The following DENND5B variants were observed in gnomAD, a reference collection of about 807,000 sequenced individuals.
DENND5B encodes the protein DENN domain-containing protein 5B.
In DENND5B, 34 loss-of-function variants were observed where a neutral mutation model predicts 140.6. The ratio of observed to expected loss-of-function variants is 0.24; its 90% CI spans 0.18 to 0.32. The LOEUF (loss-of-function observed/expected upper bound fraction) is 0.32. DENND5B is among the 10% of genes least tolerant of loss of function. The pLI is 1.00. For missense variants in DENND5B, 1,142 were observed against 1,560.2 expected (o/e 0.73, Z 4.52); for synonymous variants, 551 against 562.1 (o/e 0.98, Z 0.28).
intron 14 of DENND5B, 138 bp from the exon 15 acceptor site, chr12:31,402,781 T>C (rs1045435644): frequency 3.7e-6 from 4 of 1,067,398 alleles, no homozygotes; most frequent in Admixed American, 3.1e-5. Context: ...ATACGAAAAG[T>C]TGAGATCATA....
intron 11 of DENND5B, 108 bp from the exon 12 acceptor site, chr12:31,415,556 T>C (rs1942692677): frequency 3.4e-6 from 3 of 870,452 alleles, no homozygotes; most frequent in Non-Finnish European, 3.4e-6. Context: ...TAACAATATA[T>C]ATCATCTAGC....
In DENND5B at chr12:31,573,631, T is replaced by G. The variant is rs149617287; in HGVS notation, c.127+17075A>C. Among the ~76,000 whole-genome samples, 884 of 152,368 alleles carry G rather than the reference T, an allele frequency of 5.8e-3. 11 individuals are homozygous for G. The highest frequency in any genetic ancestry group is 0.02 in the African/African-American group (845 of 41,578). On this transcript the variant is annotated intron_variant, in intron 1 of 20. Coordinates refer to ENST00000389082, the MANE Select transcript of DENND5B (RefSeq NM_144973.4). ...ATTCATTAAGTAGGCTCAACACTTGTGCAAGAGACTCTTATAATGACTCCA... is the reference window on the plus strand; with the variant it reads ...ATTCATTAAGTAGGCTCAACACTTGGGCAAGAGACTCTTATAATGACTCCA...
At chr12:31,398,553 C>T (rs1257040326) in intron 16 of DENND5B, among the ~76,000 whole-genome samples, 191 bp from the exon 17 acceptor site, 5 of 152,012 alleles carry the variant, frequency 3.3e-5, no homozygotes, top group Non-Finnish European at 7.4e-5. Flanking sequence ...CCCCCCATCT[C>T]AGTCTCTCAA....
Position 31,387,135 on chromosome 12 carries a change from T to C in DENND5B, c.*468A>G, listed in dbSNP as rs959845818. 1.3e-5 allele frequency: 2 copies of C among 153,032 alleles called. No homozygotes were observed. The highest frequency in any genetic ancestry group is 6.5e-5 in the Admixed American group (1 of 15,376). 9.5% of individuals were successfully genotyped at this position (153,032 alleles called of 1,614,324 possible). A position where few individuals can be genotyped will look rare whatever the true frequency, so the allele number is the denominator to read the frequency against. Reference sequence around the variant, plus strand: ...CTGTGTGCATCCACAATACAAAGGATCAGACTCCAAGATGGATGGCTACTA... The same window carrying C: ...CTGTGTGCATCCACAATACAAAGGACCAGACTCCAAGATGGATGGCTACTA... On this transcript the variant is annotated 3_prime_UTR_variant, in exon 21 of 21. Transcript: ENST00000389082.
At chr12:31,523,459 G>A (rs1045740329) in intron 1 of DENND5B, among the ~76,000 whole-genome samples, 4 of 152,066 alleles carry the variant, frequency 2.6e-5, no homozygotes, top group African/African-American at 4.8e-5. Flanking sequence ...GCACTTAAGC[G>A]GGAATGCAGT....
At chr12:31,483,442 C>CTT (rs879396478) in intron 2 of DENND5B, among the ~76,000 whole-genome samples, 1 of 145,262 alleles carries the variant, frequency 6.9e-6, no homozygotes, top group Non-Finnish European at 1.5e-5. Context: ...TAGTATACAT[C>CTT]TTTTTTTTTT....
At chr12:31,454,574 C>T (rs1199375605) in intron 4 of DENND5B, among the ~76,000 whole-genome samples, 3 of 151,628 alleles carry the variant, frequency 2.0e-5, no homozygotes, top group African/African-American at 7.3e-5. Context: ...TCCCGCGTAG[C>T]TGGGATTACA....
chr12:31,486,116 T>C lies in DENND5B; in HGVS notation c.238-5861A>G, dbSNP rs79598760. Among the ~76,000 whole-genome samples, 21 of 152,336 alleles carry C rather than the reference T, an allele frequency of 1.4e-4. 1 individual carries two copies. In the East Asian group the frequency reaches 3.1e-3, roughly 22 times the overall value. ...TATATGTGTGCCTCCAAAATTCATA[T>C]GCTGGAACATCACTTCAGGGTGACG... On this transcript the variant is annotated intron_variant, in intron 2 of 20. Transcript: ENST00000389082.
At chr12:31,466,975 CAT>C in intron 3 of DENND5B, among the ~76,000 whole-genome samples, 1 of 151,988 alleles carries the variant, frequency 6.6e-6, no homozygotes, top group African/African-American at 2.4e-5. Flanking sequence ...CAATGAGAGT[CAT>C]TCATTAGAAT....
At chr12:31,589,630 G>A (rs1950529726) in intron 1 of DENND5B, among the ~76,000 whole-genome samples, 1 of 150,368 alleles carries the variant, frequency 6.7e-6, no homozygotes, top group African/African-American at 2.5e-5. Context: ...AAAAATTTAC[G>A]TTAGTGCAAT....
chr12:31,438,070 C>T (rs541589298), intron 7 of DENND5B, among the ~76,000 whole-genome samples: 91 of 152,174 alleles, frequency 6.0e-4, no homozygotes, highest in East Asian at 1.7e-3. Context: ...CAACCTCTGC[C>T]GCTCAAGTGA....
chr12:31,454,591 C>T (rs1275824199), intron 4 of DENND5B, among the ~76,000 whole-genome samples: 3 of 150,944 alleles, frequency 2.0e-5, no homozygotes, highest in African/African-American at 7.3e-5. Flanking sequence ...TACAGGTGTC[C>T]ACCACCATGC....
intron 14 of DENND5B, among the ~76,000 whole-genome samples, chr12:31,403,569 G>T (rs1941935830): frequency 1.3e-5 from 2 of 148,666 alleles, no homozygotes; most frequent in African/African-American, 5.0e-5. Context: ...TTCCAGCCTG[G>T]GCAACAGAGT....
At position 31,395,510 on chromosome 12, in the gene DENND5B, T is replaced by C. The variant is rs549489500; in HGVS notation, c.3256+2665A>G. The stretch of plus-strand genomic sequence containing the variant: ...TGGGAGGCTGAGGCAGGAGAATCGC[T>C]TGAACCTGGGAAGCGGAGGTTGCAG... On this transcript the variant is annotated intron_variant, in intron 17 of 20. Transcript: ENST00000389082. Among the ~76,000 whole-genome samples the C allele has an allele frequency of 8.4e-4, 128 of 152,188 alleles. 1 individual carries two copies. The highest frequency in any genetic ancestry group is 3.0e-3 in the African/African-American group (125 of 41,524).
chr12:31,389,230 A>C, intron 20 of DENND5B, 94 bp downstream of exon 20: 19 of 1,146,366 alleles, frequency 1.7e-5, no homozygotes, highest in Non-Finnish European at 2.0e-5. Flanking sequence ...AACCCAAAGG[A>C]GAGCTCTGGA....
rs1481971925 is a variant in DENND5B, at chr12:31,384,328, T to A, written c.*3275A>T. 1.3e-5 allele frequency: 2 copies of A among 152,204 alleles called. No homozygotes were observed. The highest frequency in any genetic ancestry group is 4.8e-5 in the African/African-American group (2 of 41,452). The allele number at this position is 152,204 out of a possible 1,614,324, so 9.4% of individuals were successfully genotyped here. A position where few individuals can be genotyped will look rare whatever the true frequency, so the allele number is the denominator to read the frequency against. ...GTGTACTGCCATGCCCAACATGTCT[T>A]ATTTCTTTATAACTGCACTTCTTAT... On this transcript the variant is annotated 3_prime_UTR_variant, in exon 21 of 21. Transcript: ENST00000389082.
chr12:31,482,861 T>TAGG (rs1026554652), intron 2 of DENND5B, among the ~76,000 whole-genome samples: 3 of 152,222 alleles, frequency 2.0e-5, no homozygotes, highest in African/African-American at 7.2e-5. Context: ...TGTTAGATCT[T>TAGG]GTCACTCTTG....
At chr12:31,410,004 T>C (rs1942366715) in intron 13 of DENND5B, among the ~76,000 whole-genome samples, 1 of 152,188 alleles carries the variant, frequency 6.6e-6, no homozygotes, top group African/African-American at 2.4e-5. Context: ...AAAAAATAGA[T>C]TCATTCTATT....
At chr12:31,531,190 A>T (rs913731602) in intron 1 of DENND5B, among the ~76,000 whole-genome samples, 2 of 147,114 alleles carry the variant, frequency 1.4e-5, no homozygotes, top group Non-Finnish European at 3.1e-5. Flanking sequence ...TCTTAGAACT[A>T]ACTTTTTTTT....
Sources: allele counts gnomAD v4.1 joint callset (sites outside exome capture counted in the v4.1 genomes callset), GRCh38; gene constraint gnomAD v4.1.1; transcripts MANE v1.5; gene names NCBI Gene and HGNC (gene_info 2026-07-23, HGNC 2026-07-21).